The following METTL24 variants were observed in gnomAD, a reference collection of about 807,000 sequenced individuals.
The protein encoded by METTL24 is methyltransferase like 24.
In METTL24, 29 loss-of-function variants were observed where a neutral mutation model predicts 32.7. The observed-to-expected ratio is 0.89, with a 90% CI of 0.66 to 1.21. METTL24 has a LOEUF of 1.21. METTL24 is among the 50% of genes most tolerant of loss of function. The pLI, the probability that METTL24 is intolerant of heterozygous loss-of-function variation, is 0.00. For missense variants in METTL24, 439 were observed against 468.1 expected (o/e 0.94, Z 0.57); for synonymous variants, 163 against 179.5 (o/e 0.91, Z 0.73).
In METTL24 at chr6:110,328,754, A is replaced by T. The variant is rs1253158342; in HGVS notation, c.319-5882T>A. Among the ~76,000 whole-genome samples the T allele has an allele frequency of 2.0e-5, 3 of 152,244 alleles. No individual in the cohort carries two copies. The East Asian group carries it at 5.8e-4, about 29-fold the overall frequency. On this transcript the variant is annotated intron_variant, in intron 1 of 4. Transcript: ENST00000338882. ...GTACATAATAGAAATATATTAATTC[A>T]AGACCATGTAGCATTTAAAAAATTT...
chr6:110,279,345 A>G (rs188902310), intron 4 of METTL24, among the ~76,000 whole-genome samples: 13 of 152,348 alleles, frequency 8.5e-5, no homozygotes, highest in Admixed American at 3.3e-4. Context: ...GATGCAAGGA[A>G]CTAGCTAACT....
chr6:110,342,450 G>C (rs1448422090), intron 1 of METTL24, among the ~76,000 whole-genome samples: 1 of 152,148 alleles, frequency 6.6e-6, no homozygotes, highest in Non-Finnish European at 1.5e-5. Flanking sequence ...AGGTCCCAGG[G>C]TACGCTCACA....
intron 4 of METTL24, among the ~76,000 whole-genome samples, chr6:110,269,451 A>T (rs1174119098): frequency 2.0e-5 from 3 of 152,168 alleles, no homozygotes; most frequent in Admixed American, 2.0e-4. Flanking sequence ...GATGACTGCA[A>T]ACAGCCTAAG....
chr6:110,340,012 T>G lies in METTL24; in HGVS notation c.319-17140A>C, dbSNP rs111513652. Among the ~76,000 whole-genome samples, 530 of 152,344 alleles carry G rather than the reference T, an allele frequency of 3.5e-3. 2 individuals carry two copies. Among genetic ancestry groups the G allele is most frequent in the Admixed American group, 9.7e-3 (149 of 15,312 alleles). ...TCAAGAAGCTATGAATTTTCCCACCTTTAAAGACTGTTTTAGCATTCATCA... is the reference window on the plus strand; with the variant it reads ...TCAAGAAGCTATGAATTTTCCCACCGTTAAAGACTGTTTTAGCATTCATCA... On this transcript the variant is annotated intron_variant, in intron 1 of 4. Transcript: ENST00000338882.
At chr6:110,296,346 A>G (rs1335322934) in intron 4 of METTL24, among the ~76,000 whole-genome samples, 1 of 152,242 alleles carries the variant, frequency 6.6e-6, no homozygotes, top group Non-Finnish European at 1.5e-5. Flanking sequence ...CTTAGTTAAC[A>G]ATAACCACTT....
At chr6:110,307,689 T>C (rs1283402400) in intron 3 of METTL24, among the ~76,000 whole-genome samples, 1 of 152,182 alleles carries the variant, frequency 6.6e-6, no homozygotes, top group Non-Finnish European at 1.5e-5. Flanking sequence ...AAGGTGGCCA[T>C]GCGCCCTGCT....
intron 4 of METTL24, among the ~76,000 whole-genome samples, chr6:110,264,657 A>G (rs1324865361): frequency 2.0e-5 from 3 of 152,214 alleles, no homozygotes; most frequent in Non-Finnish European, 2.9e-5. Flanking sequence ...ATGCTGCTAT[A>G]AAGACACATG....
intron 4 of METTL24, among the ~76,000 whole-genome samples, chr6:110,272,875 G>A (rs1770981983): frequency 6.6e-6 from 1 of 152,090 alleles, no homozygotes; most frequent in Non-Finnish European, 1.5e-5. Flanking sequence ...TCCTTTGTTG[G>A]ATGCATAGTT....
chr6:110,296,966 G>A (rs914606989), intron 4 of METTL24, among the ~76,000 whole-genome samples: 3 of 150,898 alleles, frequency 2.0e-5, no homozygotes, highest in South Asian at 2.1e-4. Flanking sequence ...GCAATCACTC[G>A]CTGACGGGTT....
At chr6:110,316,036 C>A (rs759634258) in intron 2 of METTL24, among the ~76,000 whole-genome samples, 7 of 152,148 alleles carry the variant, frequency 4.6e-5, no homozygotes, top group Non-Finnish European at 1.0e-4. Flanking sequence ...AGAAGGATGG[C>A]AGGTGTTATC....
chr6:110,302,760 T>G (rs761782504), intron 3 of METTL24, among the ~76,000 whole-genome samples: 2 of 152,030 alleles, frequency 1.3e-5, no homozygotes, highest in Non-Finnish European at 2.9e-5. Flanking sequence ...TTAAGACACT[T>G]TATTATATAT....
intron 3 of METTL24, among the ~76,000 whole-genome samples, chr6:110,312,032 T>G (rs1312282997): frequency 6.6e-6 from 1 of 152,234 alleles, no homozygotes; most frequent in Non-Finnish European, 1.5e-5. Context: ...TCTTTTGCTG[T>G]GCAGAAGCTT....
chr6:110,300,899 GTAT>G (rs1459220844), intron 3 of METTL24, among the ~76,000 whole-genome samples: 3 of 152,126 alleles, frequency 2.0e-5, no homozygotes, highest in Non-Finnish European at 2.9e-5. Flanking sequence ...ATCGTATTAG[GTAT>G]TATAAGTAAT....
At chr6:110,332,920 A>G (rs1329362131) in intron 1 of METTL24, among the ~76,000 whole-genome samples, 4 of 152,202 alleles carry the variant, frequency 2.6e-5, no homozygotes, top group African/African-American at 7.2e-5. Flanking sequence ...AAAAAAAAAA[A>G]AAAGCAAGTG....
chr6:110,261,355 C>A (rs1770723894), intron 4 of METTL24, among the ~76,000 whole-genome samples: 1 of 152,032 alleles, frequency 6.6e-6, no homozygotes, highest in Non-Finnish European at 1.5e-5. Context: ...CAACAAAGAT[C>A]AAAAGAGACA....
chr6:110,267,372 A>T (rs1298263208), intron 4 of METTL24, among the ~76,000 whole-genome samples: 1 of 152,256 alleles, frequency 6.6e-6, no homozygotes, highest in Non-Finnish European at 1.5e-5. Context: ...AAAACTTTCT[A>T]CACAGAAAGA....
chr6:110,298,072 AG>A (rs1415743054), intron 4 of METTL24, among the ~76,000 whole-genome samples: 1 of 152,208 alleles, frequency 6.6e-6, no homozygotes, highest in Non-Finnish European at 1.5e-5. Flanking sequence ...AAAATCAAGA[AG>A]CCAACTCAAG....
intron 1 of METTL24, among the ~76,000 whole-genome samples, chr6:110,343,971 G>A (rs1289854942): frequency 2.0e-5 from 3 of 152,148 alleles, no homozygotes; most frequent in Non-Finnish European, 4.4e-5. Context: ...CAGAATATTG[G>A]AGAGAAGAAA....
intron 2 of METTL24, among the ~76,000 whole-genome samples, chr6:110,322,463 G>A (rs971109266): frequency 6.6e-6 from 1 of 152,200 alleles, no homozygotes; most frequent in African/African-American, 2.4e-5. Context: ...TACTCACGGG[G>A]ACCAATCTGT....
Sources: gnomAD v4.1 joint callset for allele counts (sites outside exome capture counted in the v4.1 genomes callset) on GRCh38, gnomAD v4.1.1 for gene constraint, MANE v1.5 for transcripts, NCBI Gene and HGNC (gene_info 2026-07-23, HGNC 2026-07-21) for gene names.